The following VCAN variants were observed in gnomAD, a reference collection of about 807,000 sequenced individuals.
VCAN encodes the protein versican.
A neutral mutation model predicts 245.5 loss-of-function variants in VCAN; 44 were observed. That is an observed-to-expected ratio of 0.18 (90% CI 0.14 to 0.23). VCAN has a LOEUF of 0.23. Ranked by LOEUF, VCAN falls within the 10% of genes least tolerant of loss-of-function variation. The pLI, the probability that VCAN is intolerant of heterozygous loss-of-function variation, is 1.00. For missense variants in VCAN, 3,793 were observed against 4,057.9 expected (o/e 0.93, Z 1.77); for synonymous variants, 1,413 against 1,437.0 (o/e 0.98, Z 0.38).
At chr5:83,559,996 G>A (rs533664693) in intron 12 of VCAN, among the ~76,000 whole-genome samples, 126 of 131,718 alleles carry the variant, frequency 9.6e-4, no homozygotes, top group African/African-American at 3.2e-3. Flanking sequence ...GTTTTACGGT[G>A]AAAAGACCAA....
chr5:83,515,926 T>C (rs1468922055), intron 6 of VCAN, among the ~76,000 whole-genome samples: 2 of 152,196 alleles, frequency 1.3e-5, no homozygotes, highest in Non-Finnish European at 2.9e-5. Context: ...ATCACTCATA[T>C]AACTTTAAAA....
At chr5:83,532,872 T>C (rs1425588874) in intron 7 of VCAN, among the ~76,000 whole-genome samples, 1 of 152,156 alleles carries the variant, frequency 6.6e-6, no homozygotes, top group African/African-American at 2.4e-5. Context: ...TCCCATTTAG[T>C]AGACAATTTT....
intron 10 of VCAN, among the ~76,000 whole-genome samples, chr5:83,552,740 TC>T (rs1747517204): frequency 6.6e-6 from 1 of 152,164 alleles, no homozygotes; most frequent in Non-Finnish European, 1.5e-5. Context: ...AAACTTAAAA[TC>T]TTGATGCATT....
In VCAN at chr5:83,540,374, C is replaced by T. The variant is rs199626605; in HGVS notation, c.7371C>T (p.Thr2457=). 77 of 1,613,894 alleles carry T rather than the reference C, an allele frequency of 4.8e-5. No homozygotes were observed. Among genetic ancestry groups the T allele is most frequent in the Admixed American group, 2.7e-4 (16 of 59,986 alleles). ...TTQATRQESS[T]TFVSDGSLEK... is the part of the protein sequence containing the mutation. The stretch of plus-strand genomic sequence containing the variant: ...AGGCAACCAGACAAGAAAGCAGCAC[C>T]ACATTTGTTTCTGATGGGTCCCTGG... The change falls in exon 8 of 15, where the codon ACC becomes ACT. Residue 2457 remains threonine (T), a synonymous_variant. Coordinates refer to ENST00000265077, the MANE Select transcript of VCAN (RefSeq NM_004385.5).
chr5:83,510,023 C>T (rs1412111149), intron 5 of VCAN, among the ~76,000 whole-genome samples: 1 of 152,126 alleles, frequency 6.6e-6, no homozygotes, highest in Non-Finnish European at 1.5e-5. Flanking sequence ...ATGTAACTGG[C>T]CCTGTGACCC....
At chr5:83,511,451 T>C (rs1280528140) in intron 5 of VCAN, among the ~76,000 whole-genome samples, 1 of 152,074 alleles carries the variant, frequency 6.6e-6, no homozygotes, top group Non-Finnish European at 1.5e-5. Context: ...GGTGCTCCTG[T>C]GCAGGCCGCG....
At position 83,580,106 on chromosome 5, in the gene VCAN, C is replaced by G; in HGVS notation, c.10007C>G (p.Thr3336Ser). The change falls in exon 14 of 15, where the codon ACT (threonine) becomes AGT (serine). Residue 3336 changes from threonine (T) to serine (S), a missense_variant. Coordinates refer to ENST00000265077, the MANE Select transcript of VCAN (RefSeq NM_004385.5). ...KDGFIQRHLP[T>S]IRCLGNGRWA... ...GGTTTCATTCAACGTCACCTTCCAA[C>G]TATCCGGTGCTTAGGAAATGGAAGA... 6.2e-7 allele frequency: 1 copy of G among 1,614,076 alleles called. No individual in the cohort carries two copies. Among genetic ancestry groups the G allele is most frequent in the Non-Finnish European group, 8.5e-7 (1 of 1,179,994 alleles).
chr5:83,564,080 A>T (rs1372466837), intron 12 of VCAN, among the ~76,000 whole-genome samples: 1 of 152,242 alleles, frequency 6.6e-6, no homozygotes, highest in East Asian at 1.9e-4. Context: ...GAATGCAGTC[A>T]GGTTGGTAAA....
intron 1 of VCAN, among the ~76,000 whole-genome samples, chr5:83,480,503 G>T (rs1049145942): frequency 1.1e-4 from 16 of 152,136 alleles, no homozygotes; most frequent in African/African-American, 3.9e-4. Context: ...TATTTCAGGT[G>T]TTAAGGAATT....
chr5:83,520,328 T>A lies in VCAN; in HGVS notation c.2022T>A (p.Pro674=). ...AGGGAATTTCCACAGTTATTTATCC[T>A]TCTCTACAAACAGAAATGACACATA... The part of the protein sequence containing the change: ...LVEGISTVIY[P]SLQTEMTHRR... Residue 674 remains proline (P), a synonymous_variant, in exon 7 of 15, where the codon CCT becomes CCA. Coordinates refer to ENST00000265077, the MANE Select transcript of VCAN (RefSeq NM_004385.5). The A allele has an allele frequency of 6.2e-7, 1 of 1,613,516 alleles. No individual in the cohort carries two copies. Among genetic ancestry groups the A allele is most frequent in the Non-Finnish European group, 8.5e-7 (1 of 1,179,846 alleles).
intron 7 of VCAN, among the ~76,000 whole-genome samples, chr5:83,527,562 A>G (rs1024834616): frequency 6.6e-6 from 1 of 152,224 alleles, no homozygotes; most frequent in African/African-American, 2.4e-5. Context: ...GAACTTAATG[A>G]TTCTAAATTA....
At chr5:83,574,924 C>T (rs577517116) in intron 13 of VCAN, among the ~76,000 whole-genome samples, 31 of 152,208 alleles carry the variant, frequency 2.0e-4, no homozygotes, top group African/African-American at 7.0e-4. Context: ...TTCTAAAGCA[C>T]GCTGTACAGA....
intron 7 of VCAN, among the ~76,000 whole-genome samples, chr5:83,524,426 C>G (rs1746213312): frequency 6.6e-6 from 1 of 152,104 alleles, no homozygotes; most frequent in Non-Finnish European, 1.5e-5. Flanking sequence ...TTACTTCCAT[C>G]AGGCAGAATT....
intron 3 of VCAN, among the ~76,000 whole-genome samples, chr5:83,492,254 T>C (rs1021920692): frequency 7.9e-5 from 12 of 152,102 alleles, no homozygotes; most frequent in Admixed American, 6.6e-4. Context: ...TGGGAGACAG[T>C]CTTATAACTA....
intron 5 of VCAN, among the ~76,000 whole-genome samples, chr5:83,496,347 T>C (rs1745161541): frequency 6.6e-6 from 1 of 152,242 alleles, no homozygotes; most frequent in East Asian, 1.9e-4. Context: ...TTTTATAAAG[T>C]TATTTTGGAT....
chr5:83,517,152 G>C (rs1481841648), intron 6 of VCAN, among the ~76,000 whole-genome samples: 5 of 152,126 alleles, frequency 3.3e-5, no homozygotes, highest in African/African-American at 1.2e-4. Flanking sequence ...GAATGCAACA[G>C]CAAACTCCAT....
intron 10 of VCAN, among the ~76,000 whole-genome samples, chr5:83,551,373 A>G (rs895364515): frequency 2.6e-5 from 4 of 151,976 alleles, no homozygotes; most frequent in Non-Finnish European, 2.9e-5. Context: ...TTAGCCAGGC[A>G]TGGTGGTGCA....
In VCAN at chr5:83,522,167, T is replaced by C. The variant is rs1580630433; in HGVS notation, c.3861T>C (p.Ala1287=). The C allele has an allele frequency of 6.2e-7, 1 of 1,610,060 alleles. No homozygotes were observed. The highest frequency in any genetic ancestry group is 8.5e-7 in the Non-Finnish European group (1 of 1,179,986). ...REYFTTSSPP[A]TQPTRPPTVE... The stretch of plus-strand genomic sequence containing the variant: ...ATTTCACGACTTCAAGTCCTCCTGC[T>C]ACACAGCCAACAAGACCACCCACTG... Residue 1287 remains alanine, a synonymous_variant, in exon 7 of 15, where the codon GCT becomes GCC. Coordinates refer to ENST00000265077, the MANE Select transcript of VCAN (RefSeq NM_004385.5).
intron 1 of VCAN, among the ~76,000 whole-genome samples, chr5:83,474,992 C>T (rs142379084): frequency 6.0e-4 from 92 of 152,214 alleles, no homozygotes; most frequent in African/African-American, 2.1e-3. Flanking sequence ...TACCGTATTC[C>T]ATTTGTTGAC....
Sources: allele counts gnomAD v4.1 joint callset (sites outside exome capture counted in the v4.1 genomes callset), GRCh38; gene constraint gnomAD v4.1.1; transcripts MANE v1.5; gene names NCBI Gene and HGNC (gene_info 2026-07-23, HGNC 2026-07-21).